PRKG1: variants seen among roughly 807,000 people sequenced by gnomAD.
The protein encoded by PRKG1 is cGMP-dependent protein kinase 1.
PRKG1 carries 35 observed loss-of-function variants against 88.1 expected under a neutral mutation model. The observed-to-expected ratio is 0.40, with a 90% CI of 0.30 to 0.53. PRKG1 has a LOEUF of 0.53. PRKG1 is among the 20% of genes least tolerant of loss of function. The probability of loss-of-function intolerance (pLI) is 0.59; values close to 1 mark genes in which losing one functional copy is unlikely to be tolerated. For missense variants in PRKG1, 540 were observed against 839.8 expected (o/e 0.64, Z 4.41); for synonymous variants, 303 against 292.5 (o/e 1.04, Z -0.37).
At chr10:51,877,266 C>T (rs936383985) in intron 4 of PRKG1, among the ~76,000 whole-genome samples, 1 of 152,100 alleles carries the variant, frequency 6.6e-6, no homozygotes, top group Non-Finnish European at 1.5e-5. Flanking sequence ...TTCAGCCTGC[C>T]ATGAATACTA....
chr10:51,837,134 A>G (rs1009445144), intron 4 of PRKG1, among the ~76,000 whole-genome samples: 2 of 152,138 alleles, frequency 1.3e-5, no homozygotes, highest in African/African-American at 4.8e-5. Context: ...GGAAGAAGTA[A>G]GTTGATTTTT....
At chr10:52,054,625 G>A (rs1846067372) in intron 6 of PRKG1, 64 bp downstream of exon 6, 1 of 1,329,862 alleles carries the variant, frequency 7.5e-7, no homozygotes, top group African/African-American at 1.4e-5. Flanking sequence ...AGTAACTCCA[G>A]TAGGAACACA....
chr10:52,233,996 G>A (rs1176079315), intron 9 of PRKG1, among the ~76,000 whole-genome samples: 1 of 152,052 alleles, frequency 6.6e-6, no homozygotes, highest in East Asian at 2.0e-4. Context: ...CCTCAAGTGG[G>A]TCCCTGACCC....
At chr10:51,751,880 T>C (rs1837734774) in intron 3 of PRKG1, among the ~76,000 whole-genome samples, 2 of 152,172 alleles carry the variant, frequency 1.3e-5, no homozygotes, top group African/African-American at 4.8e-5. Flanking sequence ...TAAGTATTTG[T>C]TGCGTAAAGT....
chr10:51,793,603 C>A (rs577786871), intron 3 of PRKG1, among the ~76,000 whole-genome samples: 1 of 151,960 alleles, frequency 6.6e-6, no homozygotes, highest in East Asian at 1.9e-4. Context: ...ATCAAACTGA[C>A]AAAAATCAAA....
chr10:51,620,357 G>C (rs1171341890), intron 3 of PRKG1, among the ~76,000 whole-genome samples: 1 of 151,556 alleles, frequency 6.6e-6, no homozygotes, highest in Non-Finnish European at 1.5e-5. Flanking sequence ...TGGTCATTTG[G>C]CTCTCTATTC....
chr10:51,839,591 T>C lies in PRKG1; in HGVS notation c.698+34901T>C, dbSNP rs77033460. 3.0e-3 allele frequency among the ~76,000 whole-genome samples: 461 copies of C among 152,366 alleles called. 10 individuals carry two copies. In the East Asian group the frequency reaches 0.056, roughly 18 times the overall value. ...GTGTGTGAAACTGACAGGAATTATA[T>C]TGAAAACCAGCCAGATAGCCATGAT... is the stretch of plus-strand genomic sequence containing the variant. On this transcript the variant is annotated intron_variant, in intron 4 of 17. Coordinates refer to ENST00000373980, the MANE Select transcript of PRKG1 (RefSeq NM_006258.4).
Position 51,628,975 on chromosome 10 carries a change from A to AAAAC in PRKG1, c.592+161142_592+161143insCAAA, listed in dbSNP as rs145760552. Among the ~76,000 whole-genome samples, 14 of 45,290 alleles carry AAAAC rather than the reference A, an allele frequency of 3.1e-4. 1 individual carries two copies. The highest frequency in any genetic ancestry group is 8.3e-4 in the Non-Finnish European group (12 of 14,504). The allele number at this position is 45,290 out of a possible 152,430, so 29.7% of individuals were successfully genotyped here. ...AGCGAGACTCCGTCTCAAAAAAAAA[A>AAAAC]AAAACAAAAACAAAAACCAAAAAAA... is the stretch of plus-strand genomic sequence containing the variant. On this transcript the variant is annotated intron_variant, in intron 3 of 17. Coordinates refer to ENST00000373980, the MANE Select transcript of PRKG1 (RefSeq NM_006258.4).
At chr10:52,201,217 A>C (rs1480218488) in intron 9 of PRKG1, among the ~76,000 whole-genome samples, 1 of 152,076 alleles carries the variant, frequency 6.6e-6, no homozygotes, top group African/African-American at 2.4e-5. Flanking sequence ...ATCCATCTTG[A>C]GTTGATTTTT....
Position 51,598,609 on chromosome 10 carries a change from C to T in PRKG1, c.592+130773C>T, listed in dbSNP as rs61851495. On this transcript the variant is annotated intron_variant, in intron 3 of 17. Coordinates refer to ENST00000373980, the MANE Select transcript of PRKG1 (RefSeq NM_006258.4). ...GATTAGTCACTCGATAGAAGTTGAACACATGTGTTCTTATTTTGTTTTAAC... is the reference window on the plus strand; with the variant it reads ...GATTAGTCACTCGATAGAAGTTGAATACATGTGTTCTTATTTTGTTTTAAC... Among the ~76,000 whole-genome samples the T allele has an allele frequency of 8.6e-3, 1,302 of 152,278 alleles. 7 individuals are homozygous for T. Among genetic ancestry groups the T allele is most frequent in the Non-Finnish European group, 0.013 (911 of 68,014 alleles).
intron 3 of PRKG1, among the ~76,000 whole-genome samples, chr10:51,559,991 A>T (rs1193650873): frequency 6.6e-6 from 1 of 152,142 alleles, no homozygotes; most frequent in African/African-American, 2.4e-5. Context: ...TCTTCTAGTA[A>T]ATTCTGCAAC....
At chr10:52,040,958 T>A (rs1348934819) in intron 5 of PRKG1, among the ~76,000 whole-genome samples, 1 of 149,878 alleles carries the variant, frequency 6.7e-6, no homozygotes, top group Non-Finnish European at 1.5e-5. Context: ...TGCCTCAGCC[T>A]TCTGAGTAGC....
chr10:51,557,343 CCA>C lies in PRKG1; in HGVS notation c.592+89509_592+89510del, dbSNP rs199831724. ...ATGTTCTGGGCACCGGCATACACCA[CCA>C]CCCCCCCACCACCCACACACAAAAA... On this transcript the variant is annotated intron_variant, in intron 3 of 17. Coordinates refer to ENST00000373980, the MANE Select transcript of PRKG1 (RefSeq NM_006258.4). Among the ~76,000 whole-genome samples, 19 of 135,418 alleles carry C rather than the reference CCA, an allele frequency of 1.4e-4. No individual in the cohort carries two copies. In the East Asian group the frequency reaches 8.0e-3, roughly 57 times the overall value. 88.8% of individuals were successfully genotyped at this position (135,418 alleles called of 152,430 possible).
intron 5 of PRKG1, among the ~76,000 whole-genome samples, chr10:51,956,126 A>G (rs941284627): frequency 6.6e-6 from 1 of 152,158 alleles, no homozygotes; most frequent in African/African-American, 2.4e-5. Context: ...GGATATCACA[A>G]ATGAACTACA....
At chr10:51,906,967 A>G (rs1361475478) in intron 4 of PRKG1, among the ~76,000 whole-genome samples, 1 of 152,174 alleles carries the variant, frequency 6.6e-6, no homozygotes, top group Non-Finnish European at 1.5e-5. Flanking sequence ...GTCAGTCTTA[A>G]GATTTCTATT....
chr10:52,265,596 A>T (rs1841552817), intron 10 of PRKG1, among the ~76,000 whole-genome samples: 1 of 152,102 alleles, frequency 6.6e-6, no homozygotes, highest in South Asian at 2.1e-4. Context: ...AAGGCAAAAA[A>T]TTGGGTCCAG....
At chr10:51,783,757 C>T (rs931949012) in intron 3 of PRKG1, among the ~76,000 whole-genome samples, 4 of 152,058 alleles carry the variant, frequency 2.6e-5, no homozygotes, top group Non-Finnish European at 5.9e-5. Context: ...GTTTGAGAAC[C>T]GCTGCCTAAG....
At chr10:51,977,118 C>T (rs1205401296) in intron 5 of PRKG1, among the ~76,000 whole-genome samples, 2 of 152,004 alleles carry the variant, frequency 1.3e-5, no homozygotes, top group African/African-American at 2.4e-5. Flanking sequence ...CTACCTCCAA[C>T]CACCCACAAC....
intron 1 of PRKG1, among the ~76,000 whole-genome samples, chr10:51,032,187 G>A (rs535639291): frequency 6.6e-6 from 1 of 152,118 alleles, no homozygotes; most frequent in Non-Finnish European, 1.5e-5. Flanking sequence ...CCAGGATCAT[G>A]TGTACCTGTT....
Sources: gnomAD v4.1 joint callset for allele counts (sites outside exome capture counted in the v4.1 genomes callset) on GRCh38, gnomAD v4.1.1 for gene constraint, MANE v1.5 for transcripts, NCBI Gene and HGNC (gene_info 2026-07-23, HGNC 2026-07-21) for gene names.